DHX57: variants seen among roughly 807,000 people sequenced by gnomAD.
DHX57 encodes the protein DExH-box helicase 57.
DHX57 carries 105 observed loss-of-function variants against 156.2 expected under a neutral mutation model. The ratio of observed to expected loss-of-function variants is 0.67; its 90% confidence interval spans 0.57 to 0.79. DHX57 has a LOEUF of 0.79. Among genes scored for constraint, DHX57 ranks in the 30% least tolerant of loss-of-function variants. DHX57 has a pLI of 0.00. For synonymous variants in DHX57, 704 were observed against 595.6 expected (o/e 1.18, Z -2.65); for missense variants, 1,847 against 1,661.9 (o/e 1.11, Z -1.94).
intron 12 of DHX57, among the ~76,000 whole-genome samples, chr2:38,838,332 C>A (rs1456560847): frequency 6.6e-6 from 1 of 152,156 alleles, no homozygotes; most frequent in Non-Finnish European, 1.5e-5. Context: ...AACTCCCAGG[C>A]TAAGGCAGTC....
chr2:38,821,173 G>A (rs1043773424), intron 17 of DHX57, among the ~76,000 whole-genome samples: 3 of 152,064 alleles, frequency 2.0e-5, no homozygotes, highest in Admixed American at 6.6e-5. Flanking sequence ...ACTTCCAGAT[G>A]AATGAAAAGG....
chr2:38,829,081 A>T (rs1671247664), intron 13 of DHX57, among the ~76,000 whole-genome samples: 1 of 151,902 alleles, frequency 6.6e-6, no homozygotes, highest in Non-Finnish European at 1.5e-5. Flanking sequence ...AGTTGGGACT[A>T]CAGGTACATG....
chr2:38,823,393 T>C (rs1173807201), intron 16 of DHX57, 124 bp from the exon 17 acceptor site: 14 of 992,572 alleles, frequency 1.4e-5, no homozygotes, highest in Non-Finnish European at 1.9e-5. Flanking sequence ...AATCTCATGT[T>C]TTCTACTTCT....
In DHX57 at chr2:38,797,851, TC is replaced by T. The variant is rs1349666210; in HGVS notation, c.*447del. The T allele has an allele frequency of 6.1e-6, 1 of 164,960 alleles. No individual in the cohort carries two copies. The highest frequency in any genetic ancestry group is 2.4e-5 in the African/African-American group (1 of 41,224). 10.2% of individuals were successfully genotyped at this position (164,960 alleles called of 1,614,324 possible). A position where few individuals can be genotyped will look rare whatever the true frequency, so the allele number is the denominator to read the frequency against. ...TGTTCACATAATTTTGGGTTTTTTT[TC>T]CCCTTCTCTGTTCTGACTTCTCTCA... On this transcript the variant is annotated 3_prime_UTR_variant, in exon 24 of 24. Coordinates refer to ENST00000457308, the MANE Select transcript of DHX57 (RefSeq NM_198963.3).
intron 16 of DHX57, 79 bp from the exon 17 acceptor site, chr2:38,823,348 G>A (rs1276977735): frequency 1.5e-6 from 2 of 1,350,226 alleles, no homozygotes; most frequent in Non-Finnish European, 1.0e-6. Flanking sequence ...TTTTGTGAGT[G>A]ATAATAATTT....
intron 11 of DHX57, 36 bp from the exon 12 acceptor site, chr2:38,843,246 G>A (rs781588399): frequency 2.5e-6 from 4 of 1,603,876 alleles, no homozygotes; most frequent in Non-Finnish European, 3.4e-6. Context: ...GTGTGTATGT[G>A]GTCCTGTTGG....
At chr2:38,865,370 G>A (rs887907770) in intron 2 of DHX57, among the ~76,000 whole-genome samples, 1 of 152,018 alleles carries the variant, frequency 6.6e-6, no homozygotes, top group Non-Finnish European at 1.5e-5. Context: ...CCCTTTACTT[G>A]GCTCTCATTC....
intron 22 of DHX57, among the ~76,000 whole-genome samples, chr2:38,803,963 G>A (rs1251742725): frequency 1.3e-5 from 2 of 151,768 alleles, no homozygotes; most frequent in Admixed American, 6.6e-5. Flanking sequence ...TGTATTTTTA[G>A]TAGAGATGGG....
intron 21 of DHX57, among the ~76,000 whole-genome samples, chr2:38,812,852 G>GTTAGTTTGTTTA (rs1553323023): frequency 6.6e-6 from 1 of 151,072 alleles, no homozygotes; most frequent in Non-Finnish European, 1.5e-5. Flanking sequence ...TTGTTTGTTT[G>GTTAGTTTGTTTA]TTTGTTTGTT....
intron 13 of DHX57, among the ~76,000 whole-genome samples, chr2:38,829,124 G>A (rs1671249702): frequency 6.6e-6 from 1 of 151,898 alleles, no homozygotes; most frequent in Admixed American, 6.6e-5. Context: ...TATATTTTTA[G>A]CAGAGATGGG....
chr2:38,843,550 C>T (rs1672121766), intron 11 of DHX57, among the ~76,000 whole-genome samples: 1 of 152,196 alleles, frequency 6.6e-6, no homozygotes, highest in Admixed American at 6.5e-5. Context: ...CCTCTTGTTT[C>T]TATGATAATT....
chr2:38,834,291 A>G (rs1015449055), intron 13 of DHX57, among the ~76,000 whole-genome samples: 3 of 144,458 alleles, frequency 2.1e-5, no homozygotes, highest in African/African-American at 7.7e-5. Context: ...AGATCACACC[A>G]TTGCACTCCA....
rs756056164 is a variant in DHX57, at chr2:38,826,681, A to G, written c.2648T>C (p.Ile883Thr). Residue 883 changes from isoleucine (I) to threonine (T), a missense_variant, in exon 15 of 24, where the codon ATT (isoleucine) becomes ACT (threonine). By Grantham distance (89) the Ile-to-Thr change is moderately conservative (BLOSUM62 -1). Coordinates refer to ENST00000457308, the MANE Select transcript of DHX57 (RefSeq NM_198963.3). ...FNNRRSNRCV[I>T]HPLHSSLSSE... ...GGATAAAGATGAATGAAGTGGGTGA[A>G]TAACACATCTGGAAGGAAATAAAAG... is the stretch of plus-strand genomic sequence containing the variant. 2 of 1,614,006 alleles carry G rather than the reference A, an allele frequency of 1.2e-6. No individual in the cohort carries two copies. Among genetic ancestry groups the G allele is most frequent in the African/African-American group, 1.3e-5 (1 of 75,050 alleles).
intron 22 of DHX57, chr2:38,803,156 T>C (rs1037289528): frequency 1.5e-5 from 7 of 477,270 alleles, no homozygotes; most frequent in African/African-American, 5.9e-5. Flanking sequence ...TTTAAATTTT[T>C]TCGTAGAGAT....
chr2:38,854,996 A>T lies in DHX57; in HGVS notation c.1905+61T>A, dbSNP rs752282680. 8 of 1,603,708 alleles carry T rather than the reference A, an allele frequency of 5.0e-6. No individual in the cohort carries two copies. The East Asian group carries it at 1.8e-4, about 36-fold the overall frequency. Reference sequence around the variant, plus strand: ...TGCCCATGAATCTCCTAACCCCCAAAACTTTTTATACCTAAAAACCATAAA... The same window carrying T: ...TGCCCATGAATCTCCTAACCCCCAATACTTTTTATACCTAAAAACCATAAA... On this transcript the variant is annotated intron_variant, in intron 8 of 23. Coordinates refer to ENST00000457308, the MANE Select transcript of DHX57 (RefSeq NM_198963.3).
At position 38,822,958 on chromosome 2, in the gene DHX57, A is replaced by G. The variant is rs1193653152; in HGVS notation, c.3291+35T>C. Reference sequence around the variant, plus strand: ...CCCCTTAGAGACCTATGGTCCTCTTAGAGACTCCAGTTTAGATGAATGTTG... The same window carrying G: ...CCCCTTAGAGACCTATGGTCCTCTTGGAGACTCCAGTTTAGATGAATGTTG... On this transcript the variant is annotated intron_variant, in intron 17 of 23. Transcript: ENST00000457308. 1.9e-6 allele frequency: 3 copies of G among 1,602,512 alleles called. 1 individual carries two copies. Among genetic ancestry groups the G allele is most frequent in the Non-Finnish European group, 2.6e-6 (3 of 1,173,086 alleles).
At chr2:38,806,817 C>T (rs1463056024) in intron 21 of DHX57, 124 bp from the exon 22 acceptor site, 2 of 925,550 alleles carry the variant, frequency 2.2e-6, no homozygotes, top group Non-Finnish European at 1.6e-6. Context: ...CCTGTTTGTT[C>T]CCTTTCTTTC....
rs1253217769 is a variant in DHX57, at chr2:38,806,648, C to G, written c.3727G>C (p.Val1243Leu). 1 of 1,614,042 alleles carries G rather than the reference C, an allele frequency of 6.2e-7. No homozygotes were observed. Among genetic ancestry groups the G allele is most frequent in the African/African-American group, 1.3e-5 (1 of 74,928 alleles). ...GKFQKTSTGA[V>L]RMQPKSAELK... is the part of the protein sequence containing the mutation. The stretch of plus-strand genomic sequence containing the variant: ...TCAGCTGATTTTGGTTGCATTCTGA[C>G]AGCTCCAGTACTGGTCTTCTGAAAT... Residue 1243 changes from valine to leucine, a missense_variant, in exon 22 of 24, where the codon GTC (valine) becomes CTC (leucine). Transcript: ENST00000457308.
intron 23 of DHX57, among the ~76,000 whole-genome samples, chr2:38,800,285 C>G (rs561522345): frequency 1.0e-3 from 158 of 151,358 alleles, no homozygotes; most frequent in African/African-American, 3.6e-3. Flanking sequence ...ACCCGGGAGG[C>G]GGAGGTTGCA....
Sources: gnomAD v4.1 joint callset for allele counts (sites outside exome capture counted in the v4.1 genomes callset) on GRCh38, gnomAD v4.1.1 for gene constraint, MANE v1.5 for transcripts, NCBI Gene and HGNC (gene_info 2026-07-23, HGNC 2026-07-21) for gene names.